The following MS4A13 variants were observed in gnomAD, a reference collection of about 807,000 sequenced individuals.
MS4A13 encodes membrane spanning 4-domains A13.
A neutral mutation model predicts 18.4 loss-of-function variants in MS4A13; 21 were observed. The ratio of observed to expected loss-of-function variants is 1.14; its 90% confidence interval spans 0.81 to 1.64. MS4A13 has a LOEUF of 1.64. Ranked by LOEUF, MS4A13 falls within the 40% of genes most tolerant of loss-of-function variation. The pLI is 0.00. For missense variants in MS4A13, 173 were observed against 176.8 expected, an observed-to-expected ratio of 0.98 and a Z score of 0.12; for synonymous variants, 62 against 57.2, an observed-to-expected ratio of 1.08 and a Z score of -0.38.
intron 6 of MS4A13, among the ~76,000 whole-genome samples, chr11:60,530,714 C>G (rs1034933183): frequency 6.6e-6 from 1 of 152,160 alleles, no homozygotes; most frequent in Non-Finnish European, 1.5e-5. Context: ...GGCTTTGTGT[C>G]CCCACCCAAA....
In MS4A13 at chr11:60,523,768, T is replaced by G. The variant is rs913970554; in HGVS notation, c.130-129T>G. On this transcript the variant is annotated intron_variant, in intron 3 of 6. Transcript: ENST00000378186. ...TGTAAATTTGTCCTGACCCATCTAC[T>G]AAAACTTCTGTATATTTTGTTACTA... The G allele has an allele frequency of 4.9e-6, 3 of 617,000 alleles. No individual in the cohort carries two copies. In the African/African-American group the frequency reaches 5.6e-5, roughly 11 times the overall value. 38.2% of individuals were successfully genotyped at this position (617,000 alleles called of 1,614,324 possible).
In MS4A13 at chr11:60,518,140, A is replaced by G. The variant is rs756465443; in HGVS notation, c.57A>G (p.Gly19=). The G allele has an allele frequency of 1.2e-6, 2 of 1,611,520 alleles. No homozygotes were observed. The highest frequency in any genetic ancestry group is 3.3e-5 in the Admixed American group (2 of 59,952). ...ACTTTCTATTGGTTTTGTATATGGGACAAATTAAAGGAGCCTTTGGAACGT... is the reference window on the plus strand; with the variant it reads ...ACTTTCTATTGGTTTTGTATATGGGGCAAATTAAAGGAGCCTTTGGAACGT... ...MWYFLLVLYM[G]QIKGAFGTYE... Residue 19 remains glycine, a synonymous_variant, in exon 3 of 7, where the codon GGA becomes GGG. Coordinates refer to ENST00000378186, the MANE Select transcript of MS4A13 (RefSeq NM_001012417.3).
chr11:60,520,826 T>C (rs2086669067), intron 3 of MS4A13, among the ~76,000 whole-genome samples: 1 of 152,232 alleles, frequency 6.6e-6, no homozygotes. Context: ...GTAGGGACTC[T>C]GTGTGGCAGC....
At chr11:60,539,189 CAAA>C (rs33947026) in intron 6 of MS4A13, among the ~76,000 whole-genome samples, 4,270 of 131,444 alleles carry the variant, frequency 0.032, 162 homozygotes, top group East Asian at 0.13. Flanking sequence ...AGTGTTGTTT[CAAA>C]AAAAAAAAAA....
rs574084468 is a variant in MS4A13, at chr11:60,539,983, C to G, written c.403-2536C>G. ...GACTGAAGTGACATCAGATGAAACT[C>G]AAATGCACATGAATAAATAAAAAAA... On this transcript the variant is annotated intron_variant, in intron 6 of 6. Coordinates refer to ENST00000378186, the MANE Select transcript of MS4A13 (RefSeq NM_001012417.3). Among the ~76,000 whole-genome samples, 4 of 152,192 alleles carry G rather than the reference C, an allele frequency of 2.6e-5. No individual in the cohort carries two copies. In the East Asian group the frequency reaches 7.7e-4, roughly 29 times the overall value.
At chr11:60,530,649 T>C (rs562281596) in intron 6 of MS4A13, among the ~76,000 whole-genome samples, 3 of 152,242 alleles carry the variant, frequency 2.0e-5, no homozygotes, top group Non-Finnish European at 4.4e-5. Flanking sequence ...GAACAGTGCA[T>C]GTCTGTGGCA....
At chr11:60,524,469 A>G (rs962345553) in intron 4 of MS4A13, among the ~76,000 whole-genome samples, 20 of 152,292 alleles carry the variant, frequency 1.3e-4, no homozygotes, top group Non-Finnish European at 2.2e-4. Flanking sequence ...ACAGATAAAA[A>G]AATGATGTCT....
At position 60,531,141 on chromosome 11, in the gene MS4A13, G is replaced by C. The variant is rs534510568; in HGVS notation, c.402+1681G>C. ...GACTGTGAGGCCCAGCAGCCTCATT[G>C]CTTGAGATGACTAGTTTTATTTGGA... On this transcript the variant is annotated intron_variant, in intron 6 of 6. Transcript: ENST00000378186. Among the ~76,000 whole-genome samples the C allele has an allele frequency of 1.3e-3, 194 of 152,308 alleles. 1 individual carries two copies. Among genetic ancestry groups the C allele is most frequent in the Admixed American group, 3.6e-3 (55 of 15,292 alleles).
At position 60,518,116 on chromosome 11, in the gene MS4A13, C is replaced by G. The variant is rs1226182141; in HGVS notation, c.33C>G (p.Tyr11Ter). 6.2e-7 allele frequency: 1 copy of G among 1,606,848 alleles called. No individual in the cohort carries two copies. The highest frequency in any genetic ancestry group is 1.7e-5 in the Admixed American group (1 of 59,782). The change falls in exon 3 of 7, where the codon TAC becomes TAG. Residue 11 changes from tyrosine (Y) to a stop codon, truncating the protein, a stop_gained. Coordinates refer to ENST00000378186, the MANE Select transcript of MS4A13 (RefSeq NM_001012417.3). LOFTEE classifies it high-confidence loss of function. ...GCATCTTTCACATTTTCATGTGGTA[C>G]TTTCTATTGGTTTTGTATATGGGAC... is the stretch of plus-strand genomic sequence containing the variant. MIGIFHIFMW[Y>*]FLLVLYMGQI...
intron 3 of MS4A13, among the ~76,000 whole-genome samples, chr11:60,520,051 G>A (rs781243118): frequency 7.2e-5 from 11 of 152,112 alleles, no homozygotes; most frequent in African/African-American, 1.2e-4. Context: ...CAAGCCCAAG[G>A]TATAGAAAGA....
intron 6 of MS4A13, among the ~76,000 whole-genome samples, chr11:60,532,341 G>A (rs1407897408): frequency 6.6e-5 from 10 of 152,156 alleles, no homozygotes; most frequent in African/African-American, 1.4e-4. Context: ...GAAGCAGGGC[G>A]AGGCATTGCC....
rs561018549 is a variant in MS4A13 at position 60,517,454 on chromosome 11, T to A, written c.-12-618T>A. On this transcript the variant is annotated intron_variant, in intron 2 of 6. Coordinates refer to ENST00000378186, the MANE Select transcript of MS4A13 (RefSeq NM_001012417.3). Reference sequence around the variant, plus strand: ...ATAATTATCTTCTTACAAATTAGAGTTGAGTAATAATTCTCCCCTATTCAA... The same window carrying A: ...ATAATTATCTTCTTACAAATTAGAGATGAGTAATAATTCTCCCCTATTCAA... Among the ~76,000 whole-genome samples the A allele has an allele frequency of 6.6e-5, 10 of 152,194 alleles. No homozygotes were observed. In the East Asian group the frequency reaches 1.7e-3, roughly 26 times the overall value.
chr11:60,532,437 C>T (rs935323669), intron 6 of MS4A13, among the ~76,000 whole-genome samples: 1 of 152,200 alleles, frequency 6.6e-6, no homozygotes, highest in Non-Finnish European at 1.5e-5. Context: ...TCGGGTCACT[C>T]CCACCCGAAT....
At chr11:60,527,402 CTCTCTCTCTGTGTGTGTG>C (rs2086724844) in intron 5 of MS4A13, among the ~76,000 whole-genome samples, 3 of 81,576 alleles carry the variant, frequency 3.7e-5, no homozygotes, top group African/African-American at 1.7e-4. Flanking sequence ...CTCTCTCTCT[CTCTCTCTCTGTGTGTGTG>C]TGTGTGTGTG....
chr11:60,539,569 A>C (rs553886208), intron 6 of MS4A13, among the ~76,000 whole-genome samples: 1 of 152,278 alleles, frequency 6.6e-6, no homozygotes, highest in Admixed American at 6.5e-5. Flanking sequence ...AATGGCTCCC[A>C]AATTCCCCTA....
In MS4A13 at chr11:60,542,602, T is replaced by C. The variant is rs1469725307; in HGVS notation, c.*27T>C. The C allele has an allele frequency of 1.3e-6, 2 of 1,505,810 alleles. No homozygotes were observed. Among genetic ancestry groups the C allele is most frequent in the East Asian group, 2.3e-5 (1 of 44,170 alleles). The allele number at this position is 1,505,810 out of a possible 1,614,324, so 93.3% of individuals were successfully genotyped here. On this transcript the variant is annotated 3_prime_UTR_variant, in exon 7 of 7. Coordinates refer to ENST00000378186, the MANE Select transcript of MS4A13 (RefSeq NM_001012417.3). The stretch of plus-strand genomic sequence containing the variant: ...AACCCTAGAAATATGAGAATTTTGC[T>C]GTTGCTGATGCCTGGTGTGGGTCCT...
chr11:60,532,011 ATGTC>A (rs573546011), intron 6 of MS4A13, among the ~76,000 whole-genome samples: 1 of 152,344 alleles, frequency 6.6e-6, no homozygotes, highest in South Asian at 2.1e-4. Context: ...ATTATCTAAA[ATGTC>A]CAGTTTTCAA....
intron 6 of MS4A13, among the ~76,000 whole-genome samples, chr11:60,531,113 T>A (rs2086763215): frequency 6.6e-6 from 1 of 151,922 alleles, no homozygotes; most frequent in African/African-American, 2.4e-5. Flanking sequence ...CCTTGGTGGG[T>A]CAGACTGTGA....
At position 60,538,566 on chromosome 11, in the gene MS4A13, A is replaced by T. The variant is rs190637660; in HGVS notation, c.403-3953A>T. On this transcript the variant is annotated intron_variant, in intron 6 of 6. Coordinates refer to ENST00000378186, the MANE Select transcript of MS4A13 (RefSeq NM_001012417.3). ...GCAATGATTATGTCAATTAAAAATA[A>T]AATTTTAAGAAATAAAAATAAAAAA... 4.9e-3 allele frequency among the ~76,000 whole-genome samples: 654 copies of T among 134,636 alleles called. 1 individual carries two copies. Among genetic ancestry groups the T allele is most frequent in the Admixed American group, 0.011 (127 of 11,804 alleles). 88.3% of individuals were successfully genotyped at this position (134,636 alleles called of 152,430 possible).
Sources: allele counts gnomAD v4.1 joint callset (sites outside exome capture counted in the v4.1 genomes callset), GRCh38; gene constraint gnomAD v4.1.1; transcripts MANE v1.5; gene names NCBI Gene and HGNC (gene_info 2026-07-23, HGNC 2026-07-21).